The following CAPN12 variants were observed in gnomAD, a reference collection of about 807,000 sequenced individuals.
CAPN12 encodes calpain-12.
In CAPN12, 107 loss-of-function variants were observed where a neutral mutation model predicts 95.0. The ratio of observed to expected loss-of-function variants is 1.13; its 90% CI spans 0.96 to 1.32. CAPN12 has a LOEUF of 1.32. Ranked by LOEUF, CAPN12 falls within the 40% of genes most tolerant of loss-of-function variation. The probability of loss-of-function intolerance (pLI) is 0.00; values close to 1 mark genes in which losing one functional copy is unlikely to be tolerated. For missense variants in CAPN12, 1,136 were observed against 997.8 expected (o/e 1.14, Z -1.87); for synonymous variants, 505 against 415.5 (o/e 1.22, Z -2.62).
intron 17 of CAPN12, 127 bp from the exon 18 acceptor site, chr19:38,733,908 C>A: frequency 1.2e-6 from 1 of 845,194 alleles, no homozygotes. Flanking sequence ...CCCCAGCAAG[C>A]AGCCTAGCCA....
chr19:38,737,077 G>C, intron 10 of CAPN12, 79 bp downstream of exon 10: 13 of 289,258 alleles, frequency 4.5e-5, no homozygotes, highest in South Asian at 3.4e-4. Context: ...GCCCCTCCAT[G>C]CCTCCCCCGC....
chr19:38,735,512 T>C lies in CAPN12; in HGVS notation c.1616A>G (p.Gln539Arg). 4 of 1,611,100 alleles carry C rather than the reference T, an allele frequency of 2.5e-6. No individual in the cohort carries two copies. Among genetic ancestry groups the C allele is most frequent in the Non-Finnish European group, 3.4e-6 (4 of 1,179,512 alleles). The change falls in exon 13 of 21, where the codon CAG becomes CGG. Residue 539 changes from glutamine (Q) to arginine (R), a missense_variant. Coordinates refer to ENST00000328867, the MANE Select transcript of CAPN12 (RefSeq NM_144691.4). ...EIDDVISADL[Q>R]SLQGPYLPLE... Reference sequence around the variant, plus strand: ...AGGAACAGTCCCCACCTGGAGAGACTGCAGGTCTGCGCTGATCACGTCGTC... The same window carrying C: ...AGGAACAGTCCCCACCTGGAGAGACCGCAGGTCTGCGCTGATCACGTCGTC...
rs746768906 is a variant in CAPN12 at position 38,734,369 on chromosome 19, G to T, written c.1765C>A (p.Pro589Thr). The T allele has an allele frequency of 6.2e-7, 1 of 1,604,906 alleles. No individual in the cohort carries two copies. The highest frequency in any genetic ancestry group is 1.1e-5 in the South Asian group (1 of 90,220). ...LEPARAHTST[P>T]REIGLRTCEQ... The stretch of plus-strand genomic sequence containing the variant: ...CAGGTCCTGAGCCCGATCTCTCTGG[G>T]GGTGGAGGTATGGGCCCTGGCTACA... Residue 589 changes from proline to threonine, a missense_variant, in exon 16 of 21, where the codon CCC becomes ACC. Coordinates refer to ENST00000328867, the MANE Select transcript of CAPN12 (RefSeq NM_144691.4).
At chr19:38,731,996 C>G (rs1969653672) in intron 18 of CAPN12, among the ~76,000 whole-genome samples, 1 of 152,256 alleles carries the variant, frequency 6.6e-6, no homozygotes, top group Admixed American at 6.5e-5. Flanking sequence ...GGGGTGGAGG[C>G]TGCCATGCCC....
chr19:38,744,166 C>A lies in CAPN12; in HGVS notation c.-1G>T, dbSNP rs758116784. The A allele has an allele frequency of 4.7e-5, 76 of 1,613,532 alleles. 1 individual carries two copies. The highest frequency in any genetic ancestry group is 1.7e-5 in the Admixed American group (1 of 60,006). On this transcript the variant is annotated 5_prime_UTR_variant, in exon 1 of 21. Coordinates refer to ENST00000328867, the MANE Select transcript of CAPN12 (RefSeq NM_144691.4). ...TGACCCTCCCACTGCTGGATGCCAT[C>A]TGGACACTGGCCTCACAAGCCGGCA...
rs202229263 is a variant in CAPN12, at chr19:38,741,857, C to T, written c.480G>A (p.Val160=). The T allele has an allele frequency of 7.4e-6, 12 of 1,614,102 alleles. No individual in the cohort carries two copies. The highest frequency in any genetic ancestry group is 1.0e-5 in the Non-Finnish European group (12 of 1,180,026). Residue 160 remains valine, a synonymous_variant, in exon 4 of 21, where the codon GTG becomes GTA. Coordinates refer to ENST00000328867, the MANE Select transcript of CAPN12 (RefSeq NM_144691.4). ...MDVVVDDRLP[V]REGKLMFVRS... is the part of the protein sequence containing the mutation. ...GCACGAACATCAGCTTCCCCTCACG[C>T]ACGGGCAGCCTGTCATCCACCACGA...
chr19:38,731,458 T>G, intron 18 of CAPN12: 1 of 573,160 alleles, frequency 1.7e-6, no homozygotes, highest in Non-Finnish European at 3.1e-6. Flanking sequence ...GACAGAACGC[T>G]CAGGACAGCG....
rs576857054 is a variant in CAPN12, at chr19:38,740,120, GTT to G, written c.658_659del (p.Asn220GlnfsTer25). Reference protein sequence around the residue: ...GVGEVLYLRQNSMGLFSALRH... With the variant: ...GVGEVLYLRQXSMGLFSALRH... The stretch of plus-strand genomic sequence containing the variant: ...GCAGGGCAGAGAACAGCCCCATGCT[GTT>G]TTGTCTCAGATAGAGCACCTCGCCC... On this transcript the variant is annotated frameshift_variant, in exon 5 of 21. Transcript: ENST00000328867. LOFTEE classifies it high-confidence loss of function. The G allele has an allele frequency of 3.0e-4, 490 of 1,613,832 alleles. 2 individuals carry two copies. The South Asian group carries it at 4.5e-3, about 15-fold the overall frequency.
Position 38,737,104 on chromosome 19 carries a change from G to GCCCCT in CAPN12, c.1362+47_1362+51dup, listed in dbSNP as rs1438470809. ...CTCCCCCGCTCCTTGGCCCGGCCCC[G>GCCCCT]CCCCTCCACCCTCCGGGTTCCCTCC... On this transcript the variant is annotated intron_variant, in intron 10 of 20. Coordinates refer to ENST00000328867, the MANE Select transcript of CAPN12 (RefSeq NM_144691.4). The GCCCCT allele has an allele frequency of 4.8e-5, 13 of 270,978 alleles. No individual in the cohort carries two copies. In the African/African-American group the frequency reaches 5.6e-4, roughly 12 times the overall value. The allele number at this position is 270,978 out of a possible 1,614,324, so 16.8% of individuals were successfully genotyped here. A position where few individuals can be genotyped will look rare whatever the true frequency, so the allele number is the denominator to read the frequency against.
At chr19:38,741,749 T>C in intron 4 of CAPN12, 28 bp downstream of exon 4, 1 of 1,612,554 alleles carries the variant, frequency 6.2e-7, no homozygotes, top group Non-Finnish European at 8.5e-7. Flanking sequence ...GACTTAGGGC[T>C]GCAGCTGGTT....
chr19:38,738,599 G>C lies in CAPN12; in HGVS notation c.779C>G (p.Ala260Gly). 6.2e-7 allele frequency: 1 copy of C among 1,614,024 alleles called. No homozygotes were observed. Among genetic ancestry groups the C allele is most frequent in the Non-Finnish European group, 8.5e-7 (1 of 1,180,026 alleles). ...RTEEGLVKGH[A>G]YSITGTHKVF... Reference sequence around the variant, plus strand: ...CTTGTGTGTGCCCGTGATGGAATACGCGTGTCCCTTTACCAGGCCCTCTTC... The same window carrying C: ...CTTGTGTGTGCCCGTGATGGAATACCCGTGTCCCTTTACCAGGCCCTCTTC... Residue 260 changes from alanine (A) to glycine (G), a missense_variant, in exon 6 of 21, where the codon GCG (alanine) becomes GGG (glycine). Physicochemically the swap from Ala to Gly is moderately conservative, Grantham distance 60 (BLOSUM62 0). Coordinates refer to ENST00000328867, the MANE Select transcript of CAPN12 (RefSeq NM_144691.4).
At chr19:38,738,538 A>G in intron 6 of CAPN12, 35 bp from the exon 7 acceptor site, 1 of 1,613,772 alleles carries the variant, frequency 6.2e-7, no homozygotes, top group Non-Finnish European at 8.5e-7. Flanking sequence ...TGATGCCTGG[A>G]CATGGCCTGC....
At chr19:38,737,750 T>TAC in intron 8 of CAPN12, 112 bp from the exon 9 acceptor site, 1 of 1,328,946 alleles carries the variant, frequency 7.5e-7, no homozygotes, top group Non-Finnish European at 1.0e-6. Flanking sequence ...TATTGTCAAA[T>TAC]ACCCTTCAGG....
chr19:38,732,936 G>A (rs1325651141), intron 18 of CAPN12, among the ~76,000 whole-genome samples: 1 of 152,198 alleles, frequency 6.6e-6, no homozygotes, highest in African/African-American at 2.4e-5. Flanking sequence ...TTCTTGGTTA[G>A]GATGTTGTGC....
At chr19:38,731,320 A>T in intron 18 of CAPN12, 97 bp from the exon 19 acceptor site, 1 of 895,292 alleles carries the variant, frequency 1.1e-6, no homozygotes, top group Non-Finnish European at 1.8e-6. Context: ...TGAATGCCAC[A>T]GGGTGTCACA....
intron 4 of CAPN12, among the ~76,000 whole-genome samples, chr19:38,741,554 C>CAG (rs1401855732): frequency 1.3e-5 from 2 of 148,156 alleles, no homozygotes; most frequent in East Asian, 3.9e-4. Flanking sequence ...GCCTGGGCGA[C>CAG]AGAGTGAGTG....
At chr19:38,734,924 C>A in intron 14 of CAPN12, 54 bp from the exon 15 acceptor site, 2 of 1,571,428 alleles carry the variant, frequency 1.3e-6, no homozygotes, top group Non-Finnish European at 1.7e-6. Context: ...CTGCTCTGGG[C>A]CAAGCCCTGT....
rs76443569 is a variant in CAPN12 at position 38,744,239 on chromosome 19, T to C, written c.-74A>G. On this transcript the variant is annotated 5_prime_UTR_variant, in exon 1 of 21. The change abolishes an upstream ATG in the 5' untranslated region. Coordinates refer to ENST00000328867, the MANE Select transcript of CAPN12 (RefSeq NM_144691.4). ...TCACGGGGGCGGGGCCTCTCTTCCA[T>C]TGGAGCCCCAGTGGGGTCTTTAGGC... 0.029 allele frequency: 40,623 copies of C among 1,387,498 alleles called. 2,838 individuals carry two copies. Among genetic ancestry groups the C allele is most frequent in the East Asian group, 0.2 (8,575 of 43,710 alleles). 85.9% of individuals were successfully genotyped at this position (1,387,498 alleles called of 1,614,324 possible). A position where few individuals can be genotyped will look rare whatever the true frequency, so the allele number is the denominator to read the frequency against.
chr19:38,742,611 G>A, intron 2 of CAPN12, 83 bp from the exon 3 acceptor site: 2 of 922,624 alleles, frequency 2.2e-6, no homozygotes, highest in Admixed American at 2.6e-5. Flanking sequence ...CCAGCACTTT[G>A]GGAGGCCAAG....
Sources: allele counts gnomAD v4.1 joint callset (sites outside exome capture counted in the v4.1 genomes callset), GRCh38; gene constraint gnomAD v4.1.1; transcripts MANE v1.5; gene names NCBI Gene and HGNC (gene_info 2026-07-23, HGNC 2026-07-21).